The following PRDX5 variants were observed in gnomAD, a reference collection of about 807,000 sequenced individuals.
PRDX5 encodes peroxiredoxin-5, mitochondrial.
In PRDX5, 21 loss-of-function variants were observed where a neutral mutation model predicts 23.8. That is an observed-to-expected ratio of 0.88 (90% CI 0.63 to 1.27). The LOEUF is 1.27. PRDX5 is among the 50% of genes most tolerant of loss of function. The pLI is 0.00. For missense variants in PRDX5, 261 were observed against 270.6 expected, an observed-to-expected ratio of 0.96 and a Z score of 0.25; for synonymous variants, 111 against 113.3, an observed-to-expected ratio of 0.98 and a Z score of 0.13.
rs1315351043 is a variant in PRDX5, at chr11:64,318,266, C to T, written c.51C>T (p.Leu17=). 1.1e-5 allele frequency: 17 copies of T among 1,612,268 alleles called. No individual in the cohort carries two copies. Among genetic ancestry groups the T allele is most frequent in the East Asian group, 4.5e-5 (2 of 44,880 alleles). Residue 17 remains leucine, a synonymous_variant, in exon 1 of 6, where the codon CTC becomes CTT. Transcript: ENST00000265462. The part of the protein sequence containing the change: ...CALRRSAGYI[L]VGGAGGQSAA... ...TGAGACGCTCAGCGGGCTATATACT[C>T]GTCGGTGGGGCCGGCGGTCAGTCTG...
At chr11:64,320,603 G>A in intron 2 of PRDX5, 58 bp from the exon 3 acceptor site, 1 of 1,538,894 alleles carries the variant, frequency 6.5e-7, no homozygotes, top group Non-Finnish European at 8.7e-7. Context: ...GAGATAAAGG[G>A]TGGGCTGGGG....
At chr11:64,318,501 C>A in intron 1 of PRDX5, 115 bp downstream of exon 1, 3 of 1,361,634 alleles carry the variant, frequency 2.2e-6, no homozygotes, top group Non-Finnish European at 3.0e-6. Flanking sequence ...CCCCTCCGCC[C>A]GCCCGGCTCA....
Position 64,318,183 on chromosome 11 carries a change from A to G in PRDX5, c.-33A>G, listed in dbSNP as rs1565381127. 1.2e-6 allele frequency: 2 copies of G among 1,609,700 alleles called. No individual in the cohort carries two copies. The highest frequency in any genetic ancestry group is 2.3e-4 in the Middle Eastern group (1 of 4,422). On this transcript the variant is annotated 5_prime_UTR_variant, in exon 1 of 6. Transcript: ENST00000265462. ...CCCGCCTGCTGCGGTGGCACCAGCC[A>G]GGAGGCGGAGTGGAAGTGGCCGTGG...
Position 64,320,895 on chromosome 11 carries a change from T to G in PRDX5, c.469T>G (p.Phe157Val), listed in dbSNP as rs372183360. ...GCTCCTGGCTGATCCCACTGGGGCC[T>G]TTGGGAAGGTGAGTGTTCCCCTGAC... ...VRLLADPTGA[F>V]GKETDLLLDD... The change falls in exon 4 of 6, where the codon TTT becomes GTT. Residue 157 changes from phenylalanine (F) to valine (V), a missense_variant. Physicochemically the swap from Phe to Val is conservative, Grantham distance 50. Coordinates refer to ENST00000265462, the MANE Select transcript of PRDX5 (RefSeq NM_012094.5). 144 of 1,614,054 alleles carry G rather than the reference T, an allele frequency of 8.9e-5. No individual in the cohort carries two copies. Among genetic ancestry groups the G allele is most frequent in the Non-Finnish European group, 1.2e-4 (143 of 1,180,028 alleles).
intron 2 of PRDX5, among the ~76,000 whole-genome samples, 168 bp downstream of exon 2, chr11:64,320,036 T>C (rs981779171): frequency 2.6e-5 from 4 of 152,032 alleles, no homozygotes; most frequent in Non-Finnish European, 5.9e-5. Flanking sequence ...TCCCAGCACT[T>C]TGGGAGGCCA....
chr11:64,318,766 A>G (rs1266461464), intron 1 of PRDX5, among the ~76,000 whole-genome samples: 2 of 150,106 alleles, frequency 1.3e-5, no homozygotes, highest in Non-Finnish European at 3.0e-5. Flanking sequence ...ACGCCCAGCT[A>G]TTGTATTTTT....
intron 2 of PRDX5, 93 bp from the exon 3 acceptor site, chr11:64,320,568 G>A: frequency 6.7e-7 from 1 of 1,494,410 alleles, no homozygotes; most frequent in Non-Finnish European, 9.0e-7. Context: ...CAAAGGTGTT[G>A]AGGCAGAGCA....
chr11:64,321,619 G>A lies in PRDX5; in HGVS notation c.573G>A (p.Lys191=), dbSNP rs11551857. The A allele has an allele frequency of 1.4e-5, 23 of 1,613,492 alleles. No individual in the cohort carries two copies. Among genetic ancestry groups the A allele is most frequent in the African/African-American group, 6.7e-5 (5 of 74,890 alleles). The change falls in exon 6 of 6, where the codon AAG becomes AAA. Residue 191 remains lysine (K), a synonymous_variant. Coordinates refer to ENST00000265462, the MANE Select transcript of PRDX5 (RefSeq NM_012094.5). ...FSMVVQDGIV[K]ALNVEPDGTG... ...TGGTGGTACAGGATGGCATAGTGAAGGCCCTGAATGTGGAACCAGATGGCA... is the reference window on the plus strand; with the variant it reads ...TGGTGGTACAGGATGGCATAGTGAAAGCCCTGAATGTGGAACCAGATGGCA...
rs1374386275 is a variant in PRDX5 at position 64,318,240 on chromosome 11, C to T, written c.25C>T (p.Leu9=). 6.2e-7 allele frequency: 1 copy of T among 1,611,906 alleles called. No individual in the cohort carries two copies. Among genetic ancestry groups the T allele is most frequent in the African/African-American group, 1.3e-5 (1 of 74,890 alleles). ...TATGGGACTAGCTGGCGTGTGCGCC[C>T]TGAGACGCTCAGCGGGCTATATACT... MGLAGVCA[L]RRSAGYILVG... Residue 9 remains leucine, a synonymous_variant, in exon 1 of 6, where the codon CTG becomes TTG. Transcript: ENST00000265462.
At chr11:64,318,420 C>A in intron 1 of PRDX5, 34 bp downstream of exon 1, 2 of 1,579,788 alleles carry the variant, frequency 1.3e-6, no homozygotes, top group East Asian at 2.3e-5. Context: ...TGACATCCCC[C>A]ACTACCCCCA....
In PRDX5 at chr11:64,320,716, A is replaced by G; in HGVS notation, c.362A>G (p.Gln121Arg). The G allele has an allele frequency of 1.2e-6, 2 of 1,613,702 alleles. 1 individual carries two copies. The highest frequency in any genetic ancestry group is 2.2e-5 in the South Asian group (2 of 91,056). ...GAGGCTCTGAAGGCCAAGGGAGTCC[A>G]GGTGGTGGCCTGTCTGAGTGTTAAT... ...QAEALKAKGV[Q>R]VVACLSVNDA... The change falls in exon 3 of 6, where the codon CAG (glutamine) becomes CGG (arginine). Residue 121 changes from glutamine (Q) to arginine (R), a missense_variant. By Grantham distance (43) the Gln-to-Arg change is conservative. Coordinates refer to ENST00000265462, the MANE Select transcript of PRDX5 (RefSeq NM_012094.5).
intron 5 of PRDX5, 133 bp from the exon 6 acceptor site, chr11:64,321,453 C>T: frequency 2.1e-6 from 3 of 1,426,436 alleles, no homozygotes; most frequent in Non-Finnish European, 2.8e-6. Context: ...GGTGAGTCCT[C>T]TGTGGGGGAG....
rs562055323 is a variant in PRDX5, at chr11:64,318,237, G to C, written c.22G>C (p.Ala8Pro). 2 of 1,611,800 alleles carry C rather than the reference G, an allele frequency of 1.2e-6. No homozygotes were observed. Among genetic ancestry groups the C allele is most frequent in the African/African-American group, 1.3e-5 (1 of 74,882 alleles). Residue 8 changes from alanine to proline, a missense_variant, in exon 1 of 6, where the codon GCC (alanine) becomes CCC (proline). Coordinates refer to ENST00000265462, the MANE Select transcript of PRDX5 (RefSeq NM_012094.5). ...GGGTATGGGACTAGCTGGCGTGTGC[G>C]CCCTGAGACGCTCAGCGGGCTATAT... is the stretch of plus-strand genomic sequence containing the variant. MGLAGVC[A>P]LRRSAGYILV...
At chr11:64,319,989 G>T in intron 2 of PRDX5, 121 bp downstream of exon 2, 3 of 1,371,912 alleles carry the variant, frequency 2.2e-6, no homozygotes, top group Non-Finnish European at 2.9e-6. Flanking sequence ...AACAAGTAGA[G>T]CTGGGTAGAG....
chr11:64,318,609 G>GT (rs926670734), intron 1 of PRDX5, among the ~76,000 whole-genome samples: 7 of 150,958 alleles, frequency 4.6e-5, no homozygotes, highest in South Asian at 2.1e-4. Context: ...TTTGTTTTTT[G>GT]TTTTTTTTTG....
Position 64,321,710 on chromosome 11 carries a change from T to G in PRDX5, c.*19T>G. The stretch of plus-strand genomic sequence containing the variant: ...GCTCTGAGGCCCTGGGCCAGATTAC[T>G]TCCTCCACCCCTCCCTATCTCACCT... On this transcript the variant is annotated 3_prime_UTR_variant, in exon 6 of 6. Coordinates refer to ENST00000265462, the MANE Select transcript of PRDX5 (RefSeq NM_012094.5). 1.3e-6 allele frequency: 2 copies of G among 1,550,148 alleles called. No individual in the cohort carries two copies. Among genetic ancestry groups the G allele is most frequent in the Non-Finnish European group, 1.7e-6 (2 of 1,146,218 alleles).
intron 5 of PRDX5, 84 bp downstream of exon 5, chr11:64,321,152 T>A: frequency 6.8e-7 from 1 of 1,476,126 alleles, no homozygotes; most frequent in East Asian, 2.3e-5. Context: ...GAGAGGGTCC[T>A]CTGTGGGAAG....
chr11:64,318,927 G>C (rs1483851444), intron 1 of PRDX5, among the ~76,000 whole-genome samples: 1 of 138,358 alleles, frequency 7.2e-6, no homozygotes, highest in African/African-American at 2.7e-5. Context: ...CCTATCTTCT[G>C]AAACAGCTGT....
Position 64,320,689 on chromosome 11 carries a change from C to A in PRDX5, c.335C>A (p.Ala112Asp). 1.2e-6 allele frequency: 2 copies of A among 1,609,856 alleles called. No individual in the cohort carries two copies. The highest frequency in any genetic ancestry group is 1.7e-6 in the Non-Finnish European group (2 of 1,177,004). ...KTHLPGFVEQAEALKAKGVQV... is the reference protein window; with the variant it reads ...KTHLPGFVEQDEALKAKGVQV... ...CACCTGCCAGGGTTTGTGGAGCAGG[C>A]TGAGGCTCTGAAGGCCAAGGGAGTC... Residue 112 changes from alanine (A) to aspartate (D), a missense_variant, in exon 3 of 6, where the codon GCT becomes GAT. Transcript: ENST00000265462.
Sources: allele counts gnomAD v4.1 joint callset (sites outside exome capture counted in the v4.1 genomes callset), GRCh38; gene constraint gnomAD v4.1.1; transcripts MANE v1.5; gene names NCBI Gene and HGNC (gene_info 2026-07-23, HGNC 2026-07-21).